Variants in KAZN observed in about 807,000 individuals in gnomAD.
KAZN encodes the protein kazrin.
Under a neutral mutation model 87.4 loss-of-function variants are expected in KAZN, and 40 were observed. The ratio of observed to expected loss-of-function variants is 0.46; its 90% CI spans 0.36 to 0.60. The LOEUF is 0.60. Ranked by LOEUF, KAZN falls within the 20% of genes least tolerant of loss-of-function variation. KAZN has a pLI of 0.00. For synonymous variants in KAZN, 466 were observed against 458.3 expected (o/e 1.02, Z -0.22); for missense variants, 898 against 1,073.9 (o/e 0.84, Z 2.29).
chr1:14,071,520 A>G (rs1161626345), intron 1 of KAZN, among the ~76,000 whole-genome samples: 1 of 152,100 alleles, frequency 6.6e-6, no homozygotes, highest in African/African-American at 2.4e-5. Context: ...ATATTTCCCA[A>G]TGTATATTTG....
intron 1 of KAZN, among the ~76,000 whole-genome samples, chr1:13,953,976 T>C (rs571397470): frequency 1.3e-5 from 2 of 152,336 alleles, no homozygotes; most frequent in South Asian, 4.1e-4. Flanking sequence ...TGCCATTAGG[T>C]GTGGTCAAGT....
At chr1:14,242,307 C>T (rs1649030937) in intron 2 of KAZN, among the ~76,000 whole-genome samples, 2 of 152,060 alleles carry the variant, frequency 1.3e-5, no homozygotes, top group East Asian at 1.9e-4. Flanking sequence ...ACATTTAATC[C>T]ACCACATGAA....
chr1:13,943,784 A>G (rs1270169948), intron 1 of KAZN, among the ~76,000 whole-genome samples: 4 of 152,340 alleles, frequency 2.6e-5, no homozygotes, highest in Admixed American at 2.6e-4. Flanking sequence ...CCATGAAAAG[A>G]TACTCAACAG....
intron 2 of KAZN, among the ~76,000 whole-genome samples, chr1:14,564,174 G>C (rs905149363): frequency 1.3e-5 from 2 of 152,010 alleles, no homozygotes; most frequent in Admixed American, 1.3e-4. Flanking sequence ...CCTCTTCCTG[G>C]TTGTGATGTT....
At chr1:15,089,662 T>C (rs2100662052) in intron 8 of KAZN, among the ~76,000 whole-genome samples, 1 of 146,584 alleles carries the variant, frequency 6.8e-6, no homozygotes, top group South Asian at 2.1e-4. Flanking sequence ...TGGATTAGTC[T>C]CTGGAAGTAT....
intron 2 of KAZN, among the ~76,000 whole-genome samples, chr1:14,502,949 A>C (rs1301114458): frequency 6.6e-6 from 1 of 152,036 alleles, no homozygotes; most frequent in Non-Finnish European, 1.5e-5. Context: ...TGGCTCTAAA[A>C]CCCACAATCA....
chr1:14,392,192 C>A (rs545680516), intron 2 of KAZN, among the ~76,000 whole-genome samples: 4 of 152,154 alleles, frequency 2.6e-5, no homozygotes, highest in Non-Finnish European at 4.4e-5. Context: ...AGAGAGGCTT[C>A]CAGAGAAGAC....
chr1:14,613,248 C>T (rs1677960538), intron 1 of KAZN, among the ~76,000 whole-genome samples: 1 of 152,206 alleles, frequency 6.6e-6, no homozygotes. Flanking sequence ...GACTGAGAAG[C>T]TCAACTCACA....
intron 2 of KAZN, among the ~76,000 whole-genome samples, chr1:14,420,713 G>C (rs1445702983): frequency 1.3e-5 from 2 of 152,150 alleles, no homozygotes; most frequent in African/African-American, 4.8e-5. Flanking sequence ...TCTGCTGGGG[G>C]ACCTGGCGCA....
intron 1 of KAZN, among the ~76,000 whole-genome samples, chr1:14,637,099 G>A (rs573859189): frequency 1.3e-5 from 2 of 152,264 alleles, no homozygotes; most frequent in South Asian, 4.2e-4. Context: ...CATTCCTGTG[G>A]TTGGCCGTTG....
intron 1 of KAZN, among the ~76,000 whole-genome samples, chr1:14,075,295 AG>A (rs1173815897): frequency 1.3e-5 from 2 of 152,202 alleles, no homozygotes; most frequent in African/African-American, 4.8e-5. Flanking sequence ...CATAAGTTAA[AG>A]CAACTGCAGC....
intron 1 of KAZN, among the ~76,000 whole-genome samples, chr1:14,858,216 T>G (rs1260692822): frequency 7.4e-5 from 4 of 53,744 alleles, no homozygotes; most frequent in Non-Finnish European, 1.7e-4. Flanking sequence ...TTTCTTTTCT[T>G]TTTTTTTTTT....
chr1:14,736,303 A>T lies in KAZN; in HGVS notation c.226+137080A>T, dbSNP rs1308391792. The stretch of plus-strand genomic sequence containing the variant: ...TGTGTGTGTGTGTGTGTGTGTGTAT[A>T]TTTTTTTTTTTTGAGACGGAGTTTT... On this transcript the variant is annotated intron_variant, in intron 1 of 14. Transcript: ENST00000376030. Among the ~76,000 whole-genome samples, 190 of 114,798 alleles carry T rather than the reference A, an allele frequency of 1.7e-3. 1 individual carries two copies. Among genetic ancestry groups the T allele is most frequent in the Admixed American group, 6.7e-3 (78 of 11,594 alleles). 75.3% of individuals were successfully genotyped at this position (114,798 alleles called of 152,430 possible). A position where few individuals can be genotyped will look rare whatever the true frequency, so the allele number is the denominator to read the frequency against.
chr1:13,896,176 C>T (rs1390834951), intron 1 of KAZN, among the ~76,000 whole-genome samples: 1 of 152,008 alleles, frequency 6.6e-6, no homozygotes, highest in East Asian at 1.9e-4. Context: ...TGCAAAGAGC[C>T]AGATAATAAA....
intron 1 of KAZN, among the ~76,000 whole-genome samples, chr1:14,955,048 C>T (rs1662920771): frequency 6.6e-6 from 1 of 152,214 alleles, no homozygotes; most frequent in African/African-American, 2.4e-5. Context: ...AAATCGGTAG[C>T]ATTCATCTAG....
intron 2 of KAZN, among the ~76,000 whole-genome samples, chr1:14,381,480 G>A (rs1333801373): frequency 6.6e-6 from 1 of 152,160 alleles, no homozygotes; most frequent in Non-Finnish European, 1.5e-5. Context: ...TGTTCATTAT[G>A]ACCAAGTGGG....
At chr1:14,115,689 G>A (rs148065838) in intron 1 of KAZN, among the ~76,000 whole-genome samples, 218 of 152,248 alleles carry the variant, frequency 1.4e-3, no homozygotes, top group Middle Eastern at 6.8e-3. Context: ...CCGAAAATGC[G>A]GAAGCGACTT....
At chr1:13,904,642 G>T (rs1271500221) in intron 1 of KAZN, among the ~76,000 whole-genome samples, 1 of 152,152 alleles carries the variant, frequency 6.6e-6, no homozygotes, top group African/African-American at 2.4e-5. Flanking sequence ...TGATTTTGGG[G>T]TCATTTCTCT....
intron 1 of KAZN, among the ~76,000 whole-genome samples, chr1:14,178,415 G>A (rs569264676): frequency 6.6e-6 from 1 of 152,116 alleles, no homozygotes; most frequent in South Asian, 2.1e-4. Flanking sequence ...TAGTTTTATT[G>A]CTATGATTTC....
Sources: gnomAD v4.1 joint callset for allele counts (sites outside exome capture counted in the v4.1 genomes callset) on GRCh38, gnomAD v4.1.1 for gene constraint, MANE v1.5 for transcripts, NCBI Gene and HGNC (gene_info 2026-07-23, HGNC 2026-07-21) for gene names.